Variants in SOX5 observed in about 807,000 individuals in gnomAD.
The protein encoded by SOX5 is transcription factor SOX-5.
In SOX5, 9 loss-of-function variants were observed where a neutral mutation model predicts 92.0. That is an observed-to-expected ratio of 0.10 (90% CI 0.06 to 0.17). The LOEUF (loss-of-function observed/expected upper bound fraction) is 0.17. Among genes scored for constraint, SOX5 ranks in the 10% least tolerant of loss-of-function variants. The pLI is 1.00. For synonymous variants in SOX5, 344 were observed against 336.3 expected (o/e 1.02, Z -0.25); for missense variants, 642 against 944.5 (o/e 0.68, Z 4.20).
chr12:24,085,788 G>A (rs1161519933), intron 4 of SOX5, among the ~76,000 whole-genome samples: 1 of 151,884 alleles, frequency 6.6e-6, no homozygotes, highest in Non-Finnish European at 1.5e-5. Flanking sequence ...CATTGACAAA[G>A]AAGAAAAACT....
intron 1 of SOX5, among the ~76,000 whole-genome samples, chr12:24,455,450 C>T (rs957162889): frequency 2.0e-5 from 3 of 152,064 alleles, no homozygotes; most frequent in African/African-American, 7.3e-5. Context: ...GATAATGGTG[C>T]CTTTGAAGAG....
intron 2 of SOX5, among the ~76,000 whole-genome samples, chr12:24,307,269 AGATTCAGG>A (rs1369099795): frequency 2.0e-5 from 3 of 152,118 alleles, no homozygotes; most frequent in Non-Finnish European, 2.9e-5. Context: ...AAGCTTAGAG[AGATTCAGG>A]GATTTAGTCA....
At chr12:24,517,706 T>TGG (rs1566368374) in intron 1 of SOX5, among the ~76,000 whole-genome samples, 4 of 149,470 alleles carry the variant, frequency 2.7e-5, no homozygotes, top group Non-Finnish European at 4.5e-5. Context: ...ATTCCATGTT[T>TGG]TTTTTTTTTT....
intron 1 of SOX5, among the ~76,000 whole-genome samples, chr12:24,512,556 C>A (rs1229190376): frequency 6.6e-6 from 1 of 152,100 alleles, no homozygotes; most frequent in Non-Finnish European, 1.5e-5. Flanking sequence ...AGACTATGTA[C>A]CTCCAGCATA....
intron 2 of SOX5, among the ~76,000 whole-genome samples, chr12:23,882,402 A>G (rs1209205095): frequency 1.3e-5 from 2 of 152,104 alleles, no homozygotes; most frequent in African/African-American, 4.8e-5. Flanking sequence ...AATAAACACA[A>G]ACCCCCGAAC....
At chr12:23,626,671 CTTTTTTTT>C (rs370910356) in intron 8 of SOX5, among the ~76,000 whole-genome samples, 2 of 116,516 alleles carry the variant, frequency 1.7e-5, no homozygotes, top group South Asian at 3.2e-4. Flanking sequence ...TTCATTAGTG[CTTTTTTTT>C]TTTTTTTTTT....
chr12:23,704,715 T>TATATATATATATATATAC (rs1434949526), intron 6 of SOX5, among the ~76,000 whole-genome samples: 13 of 108,376 alleles, frequency 1.2e-4, no homozygotes, highest in Middle Eastern at 4.6e-3. Context: ...TATATATATA[T>TATATATATATATATATAC]ACACACACAC....
intron 3 of SOX5, among the ~76,000 whole-genome samples, chr12:24,229,095 G>A (rs1962783444): frequency 1.3e-5 from 2 of 152,310 alleles, no homozygotes; most frequent in South Asian, 4.1e-4. Context: ...CTGTAGTGCA[G>A]CCACACCACC....
At chr12:24,141,409 T>A (rs981866621) in intron 4 of SOX5, among the ~76,000 whole-genome samples, 3 of 152,206 alleles carry the variant, frequency 2.0e-5, no homozygotes, top group African/African-American at 7.2e-5. Context: ...TAGAAGGTTT[T>A]TCACAGTTCA....
At chr12:24,517,075 T>C (rs1026271273) in intron 1 of SOX5, among the ~76,000 whole-genome samples, 2 of 152,234 alleles carry the variant, frequency 1.3e-5, no homozygotes, top group African/African-American at 4.8e-5. Context: ...AGGCATGTTA[T>C]AACTGATCTT....
At chr12:24,174,638 A>G (rs528620406) in intron 4 of SOX5, among the ~76,000 whole-genome samples, 4 of 152,246 alleles carry the variant, frequency 2.6e-5, no homozygotes, top group African/African-American at 9.6e-5. Context: ...CCTGACTAAC[A>G]TGGTGAAACC....
chr12:23,604,549 A>G lies in SOX5; in HGVS notation c.1018-16T>C, dbSNP rs200778959. The G allele has an allele frequency of 5.8e-5, 94 of 1,610,410 alleles. No individual in the cohort carries two copies. Among genetic ancestry groups the G allele is most frequent in the Non-Finnish European group, 6.8e-6 (8 of 1,177,270 alleles). On this transcript the variant is annotated splice_polypyrimidine_tract_variant and intron_variant, in intron 8 of 14. Transcript: ENST00000451604. Reference sequence around the variant, plus strand: ...CATATAACTGCTACAGAAGAAAAAGAGAGAGAGGGAGAAAGAATACTGTGA... The same window carrying G: ...CATATAACTGCTACAGAAGAAAAAGGGAGAGAGGGAGAAAGAATACTGTGA...
intron 4 of SOX5, among the ~76,000 whole-genome samples, chr12:24,093,396 G>C (rs1035228070): frequency 1.3e-5 from 2 of 151,880 alleles, no homozygotes; most frequent in African/African-American, 4.8e-5. Flanking sequence ...GGTGGCGGGC[G>C]CCTGTAGTCC....
intron 1 of SOX5, among the ~76,000 whole-genome samples, chr12:24,525,188 T>C (rs1950593273): frequency 6.6e-6 from 1 of 152,174 alleles, no homozygotes; most frequent in Non-Finnish European, 1.5e-5. Flanking sequence ...AAGTGATATA[T>C]ACATACAAGG....
chr12:23,988,522 T>C (rs1950257781), intron 4 of SOX5, among the ~76,000 whole-genome samples: 2 of 152,208 alleles, frequency 1.3e-5, no homozygotes, highest in Admixed American at 1.3e-4. Flanking sequence ...CAAGCAAAAG[T>C]ATTTGAGAGT....
At chr12:23,706,521 T>C (rs2091412624) in intron 6 of SOX5, among the ~76,000 whole-genome samples, 1 of 151,986 alleles carries the variant, frequency 6.6e-6, no homozygotes, top group Admixed American at 6.6e-5. Flanking sequence ...AGTCTAGAAC[T>C]ATAGAGGGAC....
intron 4 of SOX5, among the ~76,000 whole-genome samples, chr12:24,059,531 G>T (rs549089064): frequency 1.3e-5 from 2 of 152,058 alleles, no homozygotes; most frequent in Non-Finnish European, 2.9e-5. Flanking sequence ...GGTAGATGAG[G>T]AAGGAACAGT....
At chr12:23,613,224 A>T (rs1319958502) in intron 8 of SOX5, among the ~76,000 whole-genome samples, 1 of 152,102 alleles carries the variant, frequency 6.6e-6, no homozygotes, top group Non-Finnish European at 1.5e-5. Context: ...GCCTAATTAA[A>T]CATGTTTCAT....
chr12:24,316,825 G>A (rs1432023231), intron 2 of SOX5, among the ~76,000 whole-genome samples: 1 of 152,052 alleles, frequency 6.6e-6, no homozygotes, highest in Non-Finnish European at 1.5e-5. Context: ...GCAAAATAGG[G>A]TTTCCATTTG....
Sources: gnomAD v4.1 joint callset for allele counts (sites outside exome capture counted in the v4.1 genomes callset) on GRCh38, gnomAD v4.1.1 for gene constraint, MANE v1.5 for transcripts, NCBI Gene and HGNC (gene_info 2026-07-23, HGNC 2026-07-21) for gene names.